Variants in PARD3B observed in about 807,000 individuals in gnomAD.
PARD3B encodes par-3 family cell polarity regulator beta.
A neutral mutation model predicts 130.2 loss-of-function variants in PARD3B; 103 were observed. The ratio of observed to expected loss-of-function variants is 0.79; its 90% CI spans 0.67 to 0.93. The LOEUF (loss-of-function observed/expected upper bound fraction) is 0.93. PARD3B is among the 40% of genes least tolerant of loss of function. PARD3B has a pLI of 0.00. For synonymous variants in PARD3B, 583 were observed against 553.2 expected (o/e 1.05, Z -0.76); for missense variants, 1,609 against 1,499.2 (o/e 1.07, Z -1.21).
intron 18 of PARD3B, among the ~76,000 whole-genome samples, chr2:205,328,014 A>G (rs2042992897): frequency 6.6e-6 from 1 of 152,168 alleles, no homozygotes; most frequent in Non-Finnish European, 1.5e-5. Flanking sequence ...TATAGGGATC[A>G]AGCACTCTTA....
intron 2 of PARD3B, among the ~76,000 whole-genome samples, chr2:204,835,445 C>T (rs556136036): frequency 6.6e-6 from 1 of 152,264 alleles, no homozygotes; most frequent in Admixed American, 6.5e-5. Flanking sequence ...TGATCCCTCC[C>T]TGCCCCTCCT....
chr2:205,521,077 T>A (rs1033627444), intron 21 of PARD3B, among the ~76,000 whole-genome samples: 1 of 151,616 alleles, frequency 6.6e-6, no homozygotes, highest in African/African-American at 2.4e-5. Flanking sequence ...ATGAAAGTTG[T>A]TAAGTTTATA....
In PARD3B at chr2:205,473,684, GTATATATATA is replaced by G. The variant is rs369766633; in HGVS notation, c.3045-26195_3045-26186del. On this transcript the variant is annotated intron_variant, in intron 20 of 22. Coordinates refer to ENST00000406610, the MANE Select transcript of PARD3B (RefSeq NM_001302769.2). This position sits in a 1 kb window ranked among gnomAD's most constrained non-coding sequence, Gnocchi z 4.9. ...TGTGTGTGTGTGTGTGTGTGTGTAT[GTATATATATA>G]TATATATATATATATACACACACAC... is the stretch of plus-strand genomic sequence containing the variant. Among the ~76,000 whole-genome samples the G allele has an allele frequency of 1.7e-5, 2 of 114,622 alleles. No homozygotes were observed. Among genetic ancestry groups the G allele is most frequent in the African/African-American group, 7.3e-5 (2 of 27,392 alleles). 75.2% of individuals were successfully genotyped at this position (114,622 alleles called of 152,430 possible).
intron 1 of PARD3B, among the ~76,000 whole-genome samples, chr2:204,624,575 GT>G (rs1196684650): frequency 1.3e-5 from 2 of 152,082 alleles, no homozygotes; most frequent in East Asian, 3.9e-4. Context: ...TCTTCTAATT[GT>G]TGAGTAGTGT....
In PARD3B at chr2:204,636,502, T is replaced by C. The variant is rs531719947; in HGVS notation, c.121-49679T>C. 1.2e-4 allele frequency among the ~76,000 whole-genome samples: 18 copies of C among 151,526 alleles called. No individual in the cohort carries two copies. In the East Asian group the frequency reaches 3.5e-3, roughly 30 times the overall value. ...TGTGTGTGTGTGTGCAGTTATTCTT[T>C]TTAAATTCTAGAAGAACAGGGTCCT... On this transcript the variant is annotated intron_variant, in intron 1 of 22. Coordinates refer to ENST00000406610, the MANE Select transcript of PARD3B (RefSeq NM_001302769.2).
At chr2:205,042,080 A>G (rs1254430485) in intron 3 of PARD3B, among the ~76,000 whole-genome samples, 4 of 152,152 alleles carry the variant, frequency 2.6e-5, no homozygotes, top group Admixed American at 6.6e-5. Context: ...ATCTTGCATG[A>G]TTCATTGGTA....
intron 18 of PARD3B, among the ~76,000 whole-genome samples, chr2:205,322,922 T>C (rs1268523149): frequency 9.5e-6 from 1 of 104,816 alleles, no homozygotes; most frequent in East Asian, 2.4e-4. Flanking sequence ...TTTTTTTTTT[T>C]TTTTTTTTTG....
chr2:204,938,579 C>T (rs372560706), intron 2 of PARD3B, among the ~76,000 whole-genome samples: 33 of 152,306 alleles, frequency 2.2e-4, no homozygotes, highest in South Asian at 1.0e-3. Flanking sequence ...TATATTTGTA[C>T]ATTTATCTCA....
chr2:205,334,354 A>G (rs1194267610), intron 18 of PARD3B, among the ~76,000 whole-genome samples: 1 of 152,182 alleles, frequency 6.6e-6, no homozygotes, highest in Non-Finnish European at 1.5e-5. Flanking sequence ...AATCCTGGCC[A>G]TTTGAACAAC....
At chr2:205,431,883 C>T (rs1436086435) in intron 19 of PARD3B, among the ~76,000 whole-genome samples, 1 of 152,116 alleles carries the variant, frequency 6.6e-6, no homozygotes, top group Non-Finnish European at 1.5e-5. Context: ...CAATTCCTAC[C>T]ATTTAGTAAA....
chr2:205,301,630 G>A lies in PARD3B; in HGVS notation c.2559G>A (p.Glu853=). ...KKEKGKLKVK[E]KKRKEENEDP... is the part of the protein sequence containing the mutation. ...AAAAGGGCAAATTGAAAGTCAAGGAGAAAAAGCGCAAAGAGGAGAATGAAG... is the reference window on the plus strand; with the variant it reads ...AAAAGGGCAAATTGAAAGTCAAGGAAAAAAAGCGCAAAGAGGAGAATGAAG... Residue 853 remains glutamate (E), a synonymous_variant, in exon 18 of 23, where the codon GAG becomes GAA. Coordinates refer to ENST00000406610, the MANE Select transcript of PARD3B (RefSeq NM_001302769.2). The surrounding 1 kb of genome is among the most constrained non-coding windows in gnomAD (Gnocchi z 5.2). 1 of 1,613,520 alleles carries A rather than the reference G, an allele frequency of 6.2e-7. No individual in the cohort carries two copies. Among genetic ancestry groups the A allele is most frequent in the Non-Finnish European group, 8.5e-7 (1 of 1,179,670 alleles).
intron 1 of PARD3B, among the ~76,000 whole-genome samples, chr2:204,578,737 G>T (rs1196111608): frequency 6.6e-6 from 1 of 152,142 alleles, no homozygotes; most frequent in South Asian, 2.1e-4. Context: ...AGTTAAAAGT[G>T]TCACCTTTGT....
At chr2:204,588,375 T>G (rs1559171741) in intron 1 of PARD3B, among the ~76,000 whole-genome samples, 1 of 152,178 alleles carries the variant, frequency 6.6e-6, no homozygotes, top group Non-Finnish European at 1.5e-5. Flanking sequence ...GCAGGTAACC[T>G]GCGTATTTAA....
In PARD3B at chr2:205,341,144, G is replaced by A. The variant is rs114714237; in HGVS notation, c.2630+39443G>A. On this transcript the variant is annotated intron_variant, in intron 18 of 22. Transcript: ENST00000406610. This position sits in a 1 kb window ranked among gnomAD's most constrained non-coding sequence, Gnocchi z 4.3. ...AGGGAACTCTTAGACACTGTTGGTGGGGATGTAAATTAGTAGAACCATTAT... is the reference window on the plus strand; with the variant it reads ...AGGGAACTCTTAGACACTGTTGGTGAGGATGTAAATTAGTAGAACCATTAT... Among the ~76,000 whole-genome samples, 1,356 of 152,130 alleles carry A rather than the reference G, an allele frequency of 8.9e-3. 13 individuals carry two copies. Among genetic ancestry groups the A allele is most frequent in the African/African-American group, 0.031 (1,303 of 41,524 alleles).
intron 10 of PARD3B, among the ~76,000 whole-genome samples, chr2:205,148,326 A>G (rs761105793): frequency 6.6e-6 from 1 of 152,126 alleles, no homozygotes; most frequent in African/African-American, 2.4e-5. Flanking sequence ...TTTCTTTGAC[A>G]TGTGCCTGCT....
At chr2:204,641,604 G>T (rs1012491568) in intron 1 of PARD3B, among the ~76,000 whole-genome samples, 2 of 152,076 alleles carry the variant, frequency 1.3e-5, no homozygotes, top group African/African-American at 4.8e-5. Flanking sequence ...TTGGATATCT[G>T]TTTACTCTCT....
intron 10 of PARD3B, among the ~76,000 whole-genome samples, chr2:205,135,930 A>G (rs1204156188): frequency 1.3e-5 from 2 of 152,190 alleles, no homozygotes. Context: ...TCTCTTTAAA[A>G]AGAATGTTTT....
chr2:204,663,952 T>C (rs527880935), intron 1 of PARD3B, among the ~76,000 whole-genome samples: 1 of 152,304 alleles, frequency 6.6e-6, no homozygotes, highest in South Asian at 2.1e-4. Context: ...ATTTTTTAAG[T>C]GTACAAGTAA....
chr2:204,713,824 G>A (rs2038585758), intron 2 of PARD3B, among the ~76,000 whole-genome samples: 1 of 62,378 alleles, frequency 1.6e-5, no homozygotes, highest in African/African-American at 4.7e-5. Context: ...TTGTTCAAGG[G>A]TTGCCTTGTG....
Sources: gnomAD v4.1 joint callset for allele counts (sites outside exome capture counted in the v4.1 genomes callset) on GRCh38, gnomAD v4.1.1 for gene constraint, Gnocchi (gnomAD v3.1) non-coding constraint, MANE v1.5 for transcripts, NCBI Gene and HGNC (gene_info 2026-07-23, HGNC 2026-07-21) for gene names.